The following STARD13 variants were observed in gnomAD, a reference collection of about 807,000 sequenced individuals.
STARD13 encodes the protein stAR-related lipid transfer protein 13.
Under a neutral mutation model 106.4 loss-of-function variants are expected in STARD13, and 62 were observed. The ratio of observed to expected loss-of-function variants is 0.58; its 90% confidence interval spans 0.48 to 0.72. The LOEUF (loss-of-function observed/expected upper bound fraction) is 0.72, where lower values mean the gene tolerates loss of function less well. Among genes scored for constraint, STARD13 ranks in the 30% least tolerant of loss-of-function variants. The pLI is 0.00. For synonymous variants in STARD13, 565 were observed against 553.0 expected, an observed-to-expected ratio of 1.02 and a Z score of -0.31; for missense variants, 1,387 against 1,424.0, an observed-to-expected ratio of 0.97 and a Z score of 0.42.
intron 1 of STARD13, among the ~76,000 whole-genome samples, chr13:33,303,804 A>C (rs1892806192): frequency 6.6e-6 from 1 of 152,160 alleles, no homozygotes; most frequent in Non-Finnish European, 1.5e-5. Context: ...TTGAACCATC[A>C]TCCCAGTTGA....
At chr13:33,427,743 G>A in the STARD13 span, among the ~76,000 whole-genome samples, 1 of 152,112 alleles carries the variant, frequency 6.6e-6, no homozygotes, top group African/African-American at 2.4e-5. Context: ...ATCACCTGAG[G>A]TCAGGAGTTC....
the STARD13 span, among the ~76,000 whole-genome samples, chr13:33,404,087 GATAATC>G: frequency 2.0e-5 from 3 of 152,222 alleles, no homozygotes; most frequent in Non-Finnish European, 4.4e-5. Context: ...AGAAGAGGCT[GATAATC>G]ATTGGTTTTG....
At position 33,189,100 on chromosome 13, in the gene STARD13, T is replaced by C. The variant is rs111968210; in HGVS notation, c.170-21478A>G. ...ATTTAGAAATGTTTTATTTTGTTTC[T>C]TTTAATTGCTTAAAAGTAGTGTCAT... On this transcript the variant is annotated intron_variant, in intron 1 of 13. Coordinates refer to ENST00000336934, the MANE Select transcript of STARD13 (RefSeq NM_178006.4). Among the ~76,000 whole-genome samples the C allele has an allele frequency of 5.4e-3, 826 of 152,312 alleles. 1 individual carries two copies. Among genetic ancestry groups the C allele is most frequent in the Non-Finnish European group, 7.9e-3 (537 of 68,022 alleles).
intron 1 of STARD13, among the ~76,000 whole-genome samples, chr13:33,308,293 G>A (rs1892986803): frequency 6.6e-6 from 1 of 152,148 alleles, no homozygotes; most frequent in Non-Finnish European, 1.5e-5. Context: ...TACAGACAGT[G>A]CATGGCGAAA....
chr13:33,164,881 A>C (rs1883142566), intron 3 of STARD13, among the ~76,000 whole-genome samples: 1 of 152,140 alleles, frequency 6.6e-6, no homozygotes, highest in South Asian at 2.1e-4. Context: ...TTGACTTTGC[A>C]AAAAATACAG....
chr13:33,221,976 C>T (rs1472041975), intron 1 of STARD13, among the ~76,000 whole-genome samples: 1 of 152,134 alleles, frequency 6.6e-6, no homozygotes, highest in Non-Finnish European at 1.5e-5. Flanking sequence ...TGGTGAAACC[C>T]TGTCTCAACT....
chr13:33,201,407 TA>T (rs1373269323), intron 1 of STARD13, among the ~76,000 whole-genome samples: 11 of 152,382 alleles, frequency 7.2e-5, no homozygotes, highest in Middle Eastern at 3.4e-3. Context: ...TATCCCAATG[TA>T]ACATGCAGAA....
At chr13:33,590,502 T>C in the STARD13 span, among the ~76,000 whole-genome samples, 10 of 151,788 alleles carry the variant, frequency 6.6e-5, no homozygotes, top group Non-Finnish European at 1.2e-4. Flanking sequence ...ATATACACCA[T>C]GGAATGCTAT....
intron 1 of STARD13, among the ~76,000 whole-genome samples, chr13:33,283,918 G>T (rs1404335013): frequency 6.6e-6 from 1 of 152,120 alleles, no homozygotes; most frequent in Admixed American, 6.5e-5. Context: ...GGTCTGCAAA[G>T]CAATTTCAGC....
chr13:33,474,162 G>A, the STARD13 span, among the ~76,000 whole-genome samples: 1 of 152,180 alleles, frequency 6.6e-6, no homozygotes, highest in Non-Finnish European at 1.5e-5. Context: ...GGGAAAGCAA[G>A]ATGGAGTTCC....
At chr13:33,485,904 A>T in the STARD13 span, among the ~76,000 whole-genome samples, 15 of 152,260 alleles carry the variant, frequency 9.9e-5, no homozygotes, top group African/African-American at 3.6e-4. Flanking sequence ...CTGGGCTAAA[A>T]TAAAATGAAT....
At chr13:33,207,037 T>C (rs75517513) in intron 1 of STARD13, among the ~76,000 whole-genome samples, 2,550 of 152,310 alleles carry the variant, frequency 0.017, 82 homozygotes, top group African/African-American at 0.058. Flanking sequence ...AACATTCGTA[T>C]TGTTATTTTC....
chr13:33,410,702 G>A, the STARD13 span, among the ~76,000 whole-genome samples: 6 of 152,262 alleles, frequency 3.9e-5, no homozygotes, highest in African/African-American at 1.2e-4. Flanking sequence ...TCTCTTTTAA[G>A]CGCTCCTCAC....
At chr13:33,592,299 G>A in the STARD13 span, among the ~76,000 whole-genome samples, 1 of 152,118 alleles carries the variant, frequency 6.6e-6, no homozygotes, top group Admixed American at 6.5e-5. Context: ...TTATCCTTTA[G>A]TTTGTATCAG....
the STARD13 span, among the ~76,000 whole-genome samples, chr13:33,564,048 G>T: frequency 1.4e-5 from 2 of 145,056 alleles, 1 homozygote; most frequent in East Asian, 4.1e-4. Flanking sequence ...AAAATTAGCC[G>T]GGTGTGGTGG....
intron 1 of STARD13, among the ~76,000 whole-genome samples, chr13:33,258,871 C>T (rs1890498558): frequency 6.6e-6 from 1 of 152,242 alleles, no homozygotes; most frequent in Non-Finnish European, 1.5e-5. Context: ...GACTACAGCA[C>T]ATGAGATCTT....
At chr13:33,577,963 A>G in the STARD13 span, among the ~76,000 whole-genome samples, 1 of 152,138 alleles carries the variant, frequency 6.6e-6, no homozygotes, top group African/African-American at 2.4e-5. Flanking sequence ...AAAGGTCTCT[A>G]CAAGGAGAAC....
At chr13:33,332,644 A>G (rs1186848952) in intron 1 of STARD13, among the ~76,000 whole-genome samples, 1 of 152,196 alleles carries the variant, frequency 6.6e-6, no homozygotes, top group African/African-American at 2.4e-5. Flanking sequence ...CCACCAGTCT[A>G]TGATATTCTG....
chr13:33,194,366 T>C (rs1470643443), intron 1 of STARD13, among the ~76,000 whole-genome samples: 2 of 152,212 alleles, frequency 1.3e-5, no homozygotes, highest in Non-Finnish European at 2.9e-5. Flanking sequence ...CATTCTGCTA[T>C]GAAATTCAGT....
Sources: gnomAD v4.1 joint callset for allele counts (sites outside exome capture counted in the v4.1 genomes callset) on GRCh38, gnomAD v4.1.1 for gene constraint, MANE v1.5 for transcripts, NCBI Gene and HGNC (gene_info 2026-07-23, HGNC 2026-07-21) for gene names.